The following GPR17 variants were observed in gnomAD, a reference collection of about 807,000 sequenced individuals.
GPR17 encodes the protein uracil nucleotide/cysteinyl leukotriene receptor.
Under a neutral mutation model 1.5 loss-of-function variants are expected in GPR17, and 4 were observed. That is an observed-to-expected ratio of 2.73 (90% CI 1.35 to 6.25). The LOEUF (loss-of-function observed/expected upper bound fraction) is 6.25. GPR17 is among the 30% of genes most tolerant of loss of function. The probability of loss-of-function intolerance (pLI) is 0.00; values close to 1 mark genes in which losing one functional copy is unlikely to be tolerated. For missense variants in GPR17, 463 were observed against 462.1 expected, an observed-to-expected ratio of 1.00 and a Z score of -0.02; for synonymous variants, 209 against 207.6, an observed-to-expected ratio of 1.01 and a Z score of -0.06.
Position 127,651,989 on chromosome 2 carries a change from TCAA to T in GPR17, c.*236_*238del, listed in dbSNP as rs1419632389. ...GATGGCTACAATGGCTCCTAGACAC[TCAA>T]CGACTTCATCTGTGGCAGGGAGAGA... On this transcript the variant is annotated 3_prime_UTR_variant, in exon 2 of 2. Coordinates refer to ENST00000486700, the MANE Select transcript of GPR17 (RefSeq NM_001161417.2). The T allele has an allele frequency of 2.6e-5, 15 of 568,682 alleles. No homozygotes were observed. Among genetic ancestry groups the T allele is most frequent in the Non-Finnish European group, 4.2e-5 (13 of 312,586 alleles). The allele number at this position is 568,682 out of a possible 1,614,324, so 35.2% of individuals were successfully genotyped here.
At chr2:127,649,757 C>T (rs187560196) in intron 1 of GPR17, among the ~76,000 whole-genome samples, 66 of 152,340 alleles carry the variant, frequency 4.3e-4, no homozygotes, top group African/African-American at 1.4e-3. Context: ...GACTTGTTAC[C>T]CAGGACTGTC....
At chr2:127,648,982 G>A (rs1479441367) in intron 1 of GPR17, among the ~76,000 whole-genome samples, 10 of 26,662 alleles carry the variant, frequency 3.8e-4, no homozygotes, top group Non-Finnish European at 4.8e-4. Context: ...GGGGAGGGAG[G>A]GGAGGGGAGG....
rs984599500 is a variant in GPR17, at chr2:127,647,026, AAGTGGAGGGC to A, written c.-21+787_-21+796del. ...GGGCACGCCCTTCGGCCCGGGCAGG[AAGTGGAGGGC>A]AGTGCCCAGGCTGAGGCCCCCGGGC... On this transcript the variant is annotated intron_variant, in intron 1 of 1. Coordinates refer to ENST00000486700, the MANE Select transcript of GPR17 (RefSeq NM_001161417.2). The surrounding 1 kb of genome is among the most constrained non-coding windows in gnomAD (Gnocchi z 4.3). 1.3e-5 allele frequency among the ~76,000 whole-genome samples: 2 copies of A among 151,880 alleles called. No individual in the cohort carries two copies. The highest frequency in any genetic ancestry group is 4.8e-5 in the African/African-American group (2 of 41,350).
chr2:127,651,281 G>A lies in GPR17; in HGVS notation c.546G>A (p.Leu182=). The A allele has an allele frequency of 6.2e-7, 1 of 1,607,274 alleles. No homozygotes were observed. The highest frequency in any genetic ancestry group is 1.7e-5 in the Admixed American group (1 of 60,006). ...AGACCAACCACACGGTGGTCTGCCT[G>A]CAGCTGTACCGGGAGAAGGCCTCCC... ...TVQTNHTVVC[L]QLYREKASHH... Residue 182 remains leucine, a synonymous_variant, in exon 2 of 2, where the codon CTG becomes CTA. Transcript: ENST00000486700.
rs769933055 is a variant in GPR17, at chr2:127,651,508, A to G, written c.773A>G (p.Tyr258Cys). The G allele has an allele frequency of 6.2e-7, 1 of 1,612,774 alleles. No homozygotes were observed. The highest frequency in any genetic ancestry group is 2.2e-5 in the East Asian group (1 of 44,886). ...CCCTACCACGTCAACCGCTCCGTCTACGTGCTGCACTACCGCAGCCATGGG... is the reference window on the plus strand; with the variant it reads ...CCCTACCACGTCAACCGCTCCGTCTGCGTGCTGCACTACCGCAGCCATGGG... Reference protein sequence around the residue: ...FVPYHVNRSVYVLHYRSHGAS... With the variant: ...FVPYHVNRSVCVLHYRSHGAS... Residue 258 changes from tyrosine to cysteine, a missense_variant, in exon 2 of 2, where the codon TAC (tyrosine) becomes TGC (cysteine). Coordinates refer to ENST00000486700, the MANE Select transcript of GPR17 (RefSeq NM_001161417.2).
rs34722685 is a variant in GPR17 at position 127,651,173 on chromosome 2, C to A, written c.438C>A (p.Leu146=). 2.1e-3 allele frequency: 3,339 copies of A among 1,612,484 alleles called. 65 individuals carry two copies. In the African/African-American group the frequency reaches 0.04, roughly 19 times the overall value. Residue 146 remains leucine (L), a synonymous_variant, in exon 2 of 2, where the codon CTC becomes CTA. Transcript: ENST00000486700. ...PVKSLKLRRP[L]YAHLACAFLW... is the part of the protein sequence containing the mutation. ...AGTCCCTCAAGCTCCGCAGGCCCCT[C>A]TACGCACACCTGGCCTGTGCCTTCC...
chr2:127,651,987 A>G lies in GPR17; in HGVS notation c.*232A>G, dbSNP rs1683850337. On this transcript the variant is annotated 3_prime_UTR_variant, in exon 2 of 2. Coordinates refer to ENST00000486700, the MANE Select transcript of GPR17 (RefSeq NM_001161417.2). ...GTGATGGCTACAATGGCTCCTAGACACTCAACGACTTCATCTGTGGCAGGG... is the reference window on the plus strand; with the variant it reads ...GTGATGGCTACAATGGCTCCTAGACGCTCAACGACTTCATCTGTGGCAGGG... The G allele has an allele frequency of 1.2e-5, 7 of 570,272 alleles. No homozygotes were observed. Among genetic ancestry groups the G allele is most frequent in the Non-Finnish European group, 1.9e-5 (6 of 313,684 alleles). 35.3% of individuals were successfully genotyped at this position (570,272 alleles called of 1,614,324 possible). A position where few individuals can be genotyped will look rare whatever the true frequency, so the allele number is the denominator to read the frequency against.
intron 1 of GPR17, among the ~76,000 whole-genome samples, chr2:127,649,740 C>T (rs759807572): frequency 1.2e-4 from 18 of 152,224 alleles, no homozygotes; most frequent in Admixed American, 2.0e-4. Flanking sequence ...GTTCACCAGA[C>T]GGACATGACT....
Position 127,651,465 on chromosome 2 carries a change from T to G in GPR17, c.730T>G (p.Phe244Val). Reference sequence around the variant, plus strand: ...CATGATCGCCATAGTGCTGGCCATCTTCCTGGTCTGCTTCGTGCCCTACCA... The same window carrying G: ...CATGATCGCCATAGTGCTGGCCATCGTCCTGGTCTGCTTCGTGCCCTACCA... ...VRMIAIVLAI[F>V]LVCFVPYHVN... Residue 244 changes from phenylalanine to valine, a missense_variant, in exon 2 of 2, where the codon TTC (phenylalanine) becomes GTC (valine). Coordinates refer to ENST00000486700, the MANE Select transcript of GPR17 (RefSeq NM_001161417.2). The G allele has an allele frequency of 6.2e-7, 1 of 1,612,956 alleles. No individual in the cohort carries two copies. The highest frequency in any genetic ancestry group is 8.5e-7 in the Non-Finnish European group (1 of 1,180,036).
At chr2:127,650,112 A>G (rs1683574803) in intron 1 of GPR17, 4 of 1,565,530 alleles carry the variant, frequency 2.6e-6, no homozygotes, top group Non-Finnish European at 3.5e-6. Flanking sequence ...GTCCCAGGGT[A>G]CAGCCCTTGC....
intron 1 of GPR17, among the ~76,000 whole-genome samples, chr2:127,648,780 G>T (rs34011500): frequency 2.0e-3 from 302 of 151,878 alleles, no homozygotes; most frequent in Non-Finnish European, 3.4e-3. Context: ...AATTAGCCGG[G>T]TGTGGTGGTG....
Position 127,651,878 on chromosome 2 carries a change from CA to C in GPR17, c.*124del. On this transcript the variant is annotated 3_prime_UTR_variant, in exon 2 of 2. Transcript: ENST00000486700. ...ACCTGAAATCTCAGCAGATGCCCAC[CA>C]TTTCTCTAGATCGCCTAGTCTCAAC... is the stretch of plus-strand genomic sequence containing the variant. 1.1e-6 allele frequency: 1 copy of C among 878,322 alleles called. No individual in the cohort carries two copies. The highest frequency in any genetic ancestry group is 1.8e-6 in the Non-Finnish European group (1 of 565,974). 54.4% of individuals were successfully genotyped at this position (878,322 alleles called of 1,614,324 possible). A position where few individuals can be genotyped will look rare whatever the true frequency, so the allele number is the denominator to read the frequency against.
chr2:127,650,993 C>A lies in GPR17; in HGVS notation c.258C>A (p.Thr86=). The change falls in exon 2 of 2, where the codon ACC becomes ACA. Residue 86 remains threonine (T), a synonymous_variant. Transcript: ENST00000486700. ...ADLSCVLVLP[T]RLVYHFSGNH... is the part of the protein sequence containing the mutation. ...TGTCGTGCGTGCTGGTCCTGCCCAC[C>A]CGCCTGGTCTACCACTTCTCTGGGA... 3 of 1,613,826 alleles carry A rather than the reference C, an allele frequency of 1.9e-6. No homozygotes were observed. The highest frequency in any genetic ancestry group is 1.6e-4 in the Middle Eastern group (1 of 6,062).
chr2:127,650,197 G>A (rs1021983317), intron 1 of GPR17: 22 of 836,688 alleles, frequency 2.6e-5, no homozygotes, highest in African/African-American at 3.4e-5. Flanking sequence ...GTGACACCCC[G>A]GCCACTGCAC....
rs949596636 is a variant in GPR17 at position 127,647,898 on chromosome 2, G to A, written c.-21+1654G>A. The A allele has an allele frequency of 2.0e-6, 1 of 504,792 alleles. No individual in the cohort carries two copies. Among genetic ancestry groups the A allele is most frequent in the Non-Finnish European group, 2.6e-6 (1 of 390,454 alleles). 31.3% of individuals were successfully genotyped at this position (504,792 alleles called of 1,614,324 possible). On this transcript the variant is annotated intron_variant, in intron 1 of 1. Coordinates refer to ENST00000486700, the MANE Select transcript of GPR17 (RefSeq NM_001161417.2). The surrounding 1 kb of genome is among the most constrained non-coding windows in gnomAD (Gnocchi z 4.3). ...ACCGTCCCACCGGTACCTGCTCCCT[G>A]TTCTCCCCTGCCTCACAGGCCCTGT...
At position 127,652,219 on chromosome 2, in the gene GPR17, ACT is replaced by A. The variant is rs1461180908; in HGVS notation, c.*467_*468del. On this transcript the variant is annotated 3_prime_UTR_variant, in exon 2 of 2. Transcript: ENST00000486700. ...TCAATACTCCTTTGCAGTGCAAGGT[ACT>A]CTGAGTCCCCTCTGTAGTGCCTCTG... The A allele has an allele frequency of 5.2e-6, 1 of 192,094 alleles. No individual in the cohort carries two copies. Among genetic ancestry groups the A allele is most frequent in the African/African-American group, 2.4e-5 (1 of 42,178 alleles). The allele number at this position is 192,094 out of a possible 1,614,324, so 11.9% of individuals were successfully genotyped here. A position where few individuals can be genotyped will look rare whatever the true frequency, so the allele number is the denominator to read the frequency against.
chr2:127,649,635 C>T (rs1166511647), intron 1 of GPR17, among the ~76,000 whole-genome samples: 1 of 152,214 alleles, frequency 6.6e-6, no homozygotes, highest in Non-Finnish European at 1.5e-5. Context: ...TGTTTGGGAC[C>T]CTCACTCTCC....
Position 127,647,835 on chromosome 2 carries a change from C to T in GPR17, c.-21+1591C>T, listed in dbSNP as rs1683168289. 6.6e-6 allele frequency among the ~76,000 whole-genome samples: 1 copy of T among 152,096 alleles called. No homozygotes were observed. Among genetic ancestry groups the T allele is most frequent in the African/African-American group, 2.4e-5 (1 of 41,410 alleles). ...GGGTCCTCACCCCCAGCACATGCAACACGACACCCTCAAAGTCATGGGCCC... is the reference window on the plus strand; with the variant it reads ...GGGTCCTCACCCCCAGCACATGCAATACGACACCCTCAAAGTCATGGGCCC... On this transcript the variant is annotated intron_variant, in intron 1 of 1. Transcript: ENST00000486700. This position sits in a 1 kb window ranked among gnomAD's most constrained non-coding sequence, Gnocchi z 4.3.
In GPR17 at chr2:127,651,791, T is replaced by C. The variant is rs1001122135; in HGVS notation, c.*36T>C. The stretch of plus-strand genomic sequence containing the variant: ...CCGTCCAGGCCGAGCGCAGACTGTT[T>C]AGGACTCAGCAGACCCAGCAAGAGG... On this transcript the variant is annotated 3_prime_UTR_variant, in exon 2 of 2. Transcript: ENST00000486700. 2 of 1,585,742 alleles carry C rather than the reference T, an allele frequency of 1.3e-6. No individual in the cohort carries two copies. Among genetic ancestry groups the C allele is most frequent in the Admixed American group, 1.7e-5 (1 of 58,788 alleles).
Sources: gnomAD v4.1 joint callset for allele counts (sites outside exome capture counted in the v4.1 genomes callset) on GRCh38, gnomAD v4.1.1 for gene constraint, Gnocchi (gnomAD v3.1) non-coding constraint, MANE v1.5 for transcripts, NCBI Gene and HGNC (gene_info 2026-07-23, HGNC 2026-07-21) for gene names.